ARHGAP32: variants seen among roughly 807,000 people sequenced by gnomAD.
ARHGAP32 encodes the protein Rho GTPase activating protein 32, also known as rho GTPase-activating protein 32.
ARHGAP32 carries 51 observed loss-of-function variants against 186.5 expected under a neutral mutation model. The observed-to-expected ratio is 0.27, with a 90% CI of 0.22 to 0.35. The LOEUF (loss-of-function observed/expected upper bound fraction) is 0.35, where lower values mean the gene tolerates loss of function less well. Ranked by LOEUF, ARHGAP32 falls within the 10% of genes least tolerant of loss-of-function variation. The pLI, the probability that ARHGAP32 is intolerant of heterozygous loss-of-function variation, is 1.00. For synonymous variants in ARHGAP32, 950 were observed against 964.3 expected, an observed-to-expected ratio of 0.99 and a Z score of 0.27; for missense variants, 2,186 against 2,623.5, an observed-to-expected ratio of 0.83 and a Z score of 3.64.
intron 2 of ARHGAP32, among the ~76,000 whole-genome samples, chr11:129,153,878 T>C (rs1195915867): frequency 6.6e-6 from 1 of 151,964 alleles, no homozygotes; most frequent in Non-Finnish European, 1.5e-5. Context: ...CAAAAATTAA[T>C]AGGCAGGACC....
At chr11:129,048,080 C>T (rs1173524236) in intron 10 of ARHGAP32, among the ~76,000 whole-genome samples, 1 of 152,046 alleles carries the variant, frequency 6.6e-6, no homozygotes, top group African/African-American at 2.4e-5. Context: ...CCCCACCCCC[C>T]ACTCTCCTTG....
chr11:128,988,379 T>C (rs1265702448), intron 12 of ARHGAP32, among the ~76,000 whole-genome samples: 1 of 152,208 alleles, frequency 6.6e-6, no homozygotes, highest in Non-Finnish European at 1.5e-5. Flanking sequence ...AGAGAGTTCA[T>C]ACATTATTAG....
chr11:129,036,998 A>G (rs1384707728), intron 11 of ARHGAP32, among the ~76,000 whole-genome samples: 3 of 152,258 alleles, frequency 2.0e-5, no homozygotes, highest in Non-Finnish European at 4.4e-5. Context: ...TAGAACTAAT[A>G]AACAGTTCAG....
At chr11:129,032,302 G>A (rs1939148942) in intron 11 of ARHGAP32, among the ~76,000 whole-genome samples, 1 of 152,212 alleles carries the variant, frequency 6.6e-6, no homozygotes, top group Non-Finnish European at 1.5e-5. Context: ...TTGCCCAGAG[G>A]TGCTCATCCT....
chr11:129,129,366 G>C (rs947622035), intron 2 of ARHGAP32, among the ~76,000 whole-genome samples: 1 of 151,218 alleles, frequency 6.6e-6, no homozygotes, highest in African/African-American at 2.4e-5. Flanking sequence ...GCCCCGTCTG[G>C]GAAGTGAGGA....
chr11:128,973,395 A>G lies in ARHGAP32; in HGVS notation c.3111T>C (p.Pro1037=), dbSNP rs1162581394. The change falls in exon 22 of 23, where the codon CCT becomes CCC. Residue 1037 remains proline, a synonymous_variant. Transcript: ENST00000682385. ...GTGGGATAAGAGAGACTGAACTGAC[A>G]GGAACGGAATCCTGAGGGGGGTCAT... ...VTHDPPQDSV[P]VSSVSLIPPP... is the part of the protein sequence containing the mutation. The G allele has an allele frequency of 1.2e-6, 2 of 1,613,972 alleles. No homozygotes were observed. Among genetic ancestry groups the G allele is most frequent in the East Asian group, 2.2e-5 (1 of 44,892 alleles).
At chr11:128,987,154 C>A (rs1295577112) in intron 13 of ARHGAP32, among the ~76,000 whole-genome samples, 1 of 152,114 alleles carries the variant, frequency 6.6e-6, no homozygotes, top group Non-Finnish European at 1.5e-5. Context: ...TCCTAGCTAA[C>A]AACAAATTTT....
In ARHGAP32 at chr11:129,123,043, G is replaced by T. The variant is rs1942571526; in HGVS notation, c.444+403C>A. Among the ~76,000 whole-genome samples the T allele has an allele frequency of 6.6e-6, 1 of 151,984 alleles. No homozygotes were observed. The highest frequency in any genetic ancestry group is 1.5e-5 in the Non-Finnish European group (1 of 67,950). On this transcript the variant is annotated intron_variant, in intron 5 of 22. Coordinates refer to ENST00000682385, the MANE Select transcript of ARHGAP32 (RefSeq NM_001378024.1). The surrounding 1 kb of genome is among the most constrained non-coding windows in gnomAD (Gnocchi z 4.6). ...GTATGTGAATGAAAAGGCAGTAACA[G>T]TAAAAACATTTCTGAAAAAGAAGAA...
chr11:129,040,053 T>C (rs1939527563), intron 11 of ARHGAP32, among the ~76,000 whole-genome samples: 2 of 152,154 alleles, frequency 1.3e-5, no homozygotes, highest in African/African-American at 2.4e-5. Context: ...TTAAATACTA[T>C]TAGCAAAGAT....
intron 1 of ARHGAP32, among the ~76,000 whole-genome samples, chr11:129,178,904 C>T (rs1177174143): frequency 6.6e-6 from 1 of 152,086 alleles, no homozygotes; most frequent in East Asian, 1.9e-4. Context: ...ATGTCTAAAA[C>T]ACCAAAAGCA....
intron 1 of ARHGAP32, among the ~76,000 whole-genome samples, chr11:129,274,655 G>A (rs1179149534): frequency 6.6e-6 from 1 of 152,026 alleles, no homozygotes; most frequent in Non-Finnish European, 1.5e-5. Flanking sequence ...GAAGTTGAGA[G>A]GCACACCAAA....
intron 11 of ARHGAP32, among the ~76,000 whole-genome samples, chr11:129,031,883 C>T (rs1591548477): frequency 2.6e-5 from 4 of 152,234 alleles, no homozygotes; most frequent in African/African-American, 4.8e-5. Context: ...GAGAAGCAGC[C>T]GGACGTTTGA....
At position 129,030,174 on chromosome 11, in the gene ARHGAP32, T is replaced by G. The variant is rs535793266; in HGVS notation, c.1045+10754A>C. 5.3e-5 allele frequency among the ~76,000 whole-genome samples: 8 copies of G among 152,316 alleles called. No individual in the cohort carries two copies. The East Asian group carries it at 9.6e-4, about 18-fold the overall frequency. Reference sequence around the variant, plus strand: ...TGTTCAATGGGAAGCATATTCATATTCGGTGCAACACTCCAAATAGAGTAA... The same window carrying G: ...TGTTCAATGGGAAGCATATTCATATGCGGTGCAACACTCCAAATAGAGTAA... On this transcript the variant is annotated intron_variant, in intron 11 of 22. Coordinates refer to ENST00000682385, the MANE Select transcript of ARHGAP32 (RefSeq NM_001378024.1).
At chr11:129,111,181 C>T (rs1230063445) in intron 5 of ARHGAP32, among the ~76,000 whole-genome samples, 2 of 152,016 alleles carry the variant, frequency 1.3e-5, no homozygotes, top group East Asian at 1.9e-4. Context: ...TGAGAGGAAA[C>T]GATGGTTTTT....
intron 1 of ARHGAP32, among the ~76,000 whole-genome samples, chr11:129,237,357 G>A (rs1591711475): frequency 2.0e-5 from 3 of 152,200 alleles, no homozygotes; most frequent in East Asian, 3.9e-4. Flanking sequence ...ATATTTACTG[G>A]TCATTTGTTA....
chr11:129,052,120 T>C (rs1940075984), intron 10 of ARHGAP32, among the ~76,000 whole-genome samples: 1 of 152,252 alleles, frequency 6.6e-6, no homozygotes, highest in South Asian at 2.1e-4. Flanking sequence ...TAAAGTTTAC[T>C]TTGGAGACGT....
At chr11:128,972,410 G>A (rs1170190456) in intron 22 of ARHGAP32, 43 bp downstream of exon 22, 1 of 1,491,272 alleles carries the variant, frequency 6.7e-7, no homozygotes, top group East Asian at 2.3e-5. Flanking sequence ...ACATACCTTT[G>A]GTAATAGTAT....
chr11:129,178,470 A>G (rs1054995732), intron 1 of ARHGAP32, among the ~76,000 whole-genome samples: 23 of 152,170 alleles, frequency 1.5e-4, no homozygotes, highest in Non-Finnish European at 2.9e-4. Flanking sequence ...ACCAAAAAAG[A>G]GCCCACAACG....
chr11:129,074,743 T>C (rs1239041983), intron 6 of ARHGAP32, among the ~76,000 whole-genome samples: 3 of 152,242 alleles, frequency 2.0e-5, no homozygotes, highest in African/African-American at 7.2e-5. Context: ...CCGCTCGCCT[T>C]GGCCTCCCAA....
Sources: allele counts gnomAD v4.1 joint callset (sites outside exome capture counted in the v4.1 genomes callset), GRCh38; gene constraint gnomAD v4.1.1; non-coding constraint Gnocchi (gnomAD v3.1); transcripts MANE v1.5; gene names NCBI Gene and HGNC (gene_info 2026-07-23, HGNC 2026-07-21).